KAZN: variants seen among roughly 807,000 people sequenced by gnomAD.
KAZN encodes the protein kazrin.
A neutral mutation model predicts 87.4 loss-of-function variants in KAZN; 40 were observed. The observed-to-expected ratio is 0.46, with a 90% CI of 0.36 to 0.60. The LOEUF (loss-of-function observed/expected upper bound fraction) is 0.60. Ranked by LOEUF, KAZN falls within the 20% of genes least tolerant of loss-of-function variation. The pLI is 0.00. For synonymous variants in KAZN, 466 were observed against 458.3 expected (o/e 1.02, Z -0.22); for missense variants, 898 against 1,073.9 (o/e 0.84, Z 2.29).
At position 14,293,411 on chromosome 1, in the gene KAZN, T is replaced by C. The variant is rs571907967; in HGVS notation, c.249+112819T>C. Among the ~76,000 whole-genome samples the C allele has an allele frequency of 1.4e-3, 218 of 152,316 alleles. 1 individual carries two copies. Among genetic ancestry groups the C allele is most frequent in the African/African-American group, 5.1e-3 (214 of 41,574 alleles). ...TTCCTCTTCTTCTTCCTCTGCCTCTTATTCATCATCTCTCCCTCCTTCTTC... is the reference window on the plus strand; with the variant it reads ...TTCCTCTTCTTCTTCCTCTGCCTCTCATTCATCATCTCTCCCTCCTTCTTC... On this transcript the variant is annotated intron_variant, in intron 2 of 16. Transcript: ENST00000636203.
At chr1:14,663,356 C>T (rs748255304) in intron 1 of KAZN, among the ~76,000 whole-genome samples, 3 of 152,200 alleles carry the variant, frequency 2.0e-5, no homozygotes, top group Non-Finnish European at 2.9e-5. Flanking sequence ...GAACTTGGTT[C>T]GCCGGGGCCA....
chr1:14,975,966 A>G (rs536430736), intron 2 of KAZN, among the ~76,000 whole-genome samples: 1 of 144,598 alleles, frequency 6.9e-6, no homozygotes, highest in Non-Finnish European at 1.5e-5. Flanking sequence ...CGGGAGGCGG[A>G]GCTTGCAGTG....
intron 2 of KAZN, among the ~76,000 whole-genome samples, chr1:14,394,076 A>G (rs1662685398): frequency 6.6e-6 from 1 of 152,194 alleles, no homozygotes; most frequent in Non-Finnish European, 1.5e-5. Flanking sequence ...CTTGTCACCA[A>G]ATGGGCAGGA....
chr1:14,650,720 TAGTC>T (rs1379740926), intron 1 of KAZN, among the ~76,000 whole-genome samples: 5 of 152,256 alleles, frequency 3.3e-5, no homozygotes, highest in African/African-American at 7.2e-5. Flanking sequence ...TGCATTTTAT[TAGTC>T]AGCAGGTTCC....
intron 1 of KAZN, among the ~76,000 whole-genome samples, chr1:14,719,447 A>G (rs1557913798): frequency 6.6e-6 from 1 of 152,236 alleles, no homozygotes; most frequent in Non-Finnish European, 1.5e-5. Flanking sequence ...GAAGGCTACC[A>G]GTGCTATGGA....
intron 1 of KAZN, among the ~76,000 whole-genome samples, chr1:14,108,330 C>T (rs965408757): frequency 3.3e-4 from 50 of 152,128 alleles, no homozygotes; most frequent in Non-Finnish European, 5.9e-5. Flanking sequence ...GAGTATAGCT[C>T]CCTGTTTAGG....
intron 1 of KAZN, among the ~76,000 whole-genome samples, chr1:14,114,387 G>A (rs1314189629): frequency 1.3e-5 from 2 of 151,992 alleles, no homozygotes; most frequent in African/African-American, 4.8e-5. Flanking sequence ...TATGACTCTG[G>A]CGATTTGCAG....
intron 2 of KAZN, among the ~76,000 whole-genome samples, chr1:14,395,902 C>T (rs1261545864): frequency 3.9e-5 from 6 of 152,116 alleles, no homozygotes; most frequent in Admixed American, 3.9e-4. Context: ...GGCTAGGTGG[C>T]TCATGCCTGT....
At chr1:14,637,629 T>C (rs1186405351) in intron 1 of KAZN, among the ~76,000 whole-genome samples, 2 of 151,990 alleles carry the variant, frequency 1.3e-5, no homozygotes, top group Non-Finnish European at 2.9e-5. Context: ...TGGGAGTGTG[T>C]GTGTGGGGGC....
chr1:14,990,968 T>C (rs1362007079), intron 2 of KAZN, among the ~76,000 whole-genome samples: 1 of 150,730 alleles, frequency 6.6e-6, no homozygotes, highest in East Asian at 1.9e-4. Context: ...AAGGCAAAGG[T>C]GGGGGTGATG....
chr1:14,154,337 GT>G (rs1645541863), intron 1 of KAZN, among the ~76,000 whole-genome samples: 1 of 152,102 alleles, frequency 6.6e-6, no homozygotes, highest in South Asian at 2.1e-4. Context: ...GATTTTGTAT[GT>G]TTATTTTGTA....
rs541670644 is a variant in KAZN at position 14,273,953 on chromosome 1, A to C, written c.249+93361A>C. Among the ~76,000 whole-genome samples the C allele has an allele frequency of 2.6e-5, 4 of 152,308 alleles. 1 individual carries two copies. In the East Asian group the frequency reaches 7.7e-4, roughly 29 times the overall value. ...ATTACTGAAAACTCATTCTGTAGTC[A>C]TAGAAGAAGCCAAATTCCTACTGCT... On this transcript the variant is annotated intron_variant, in intron 2 of 16. Transcript: ENST00000636203.
chr1:14,741,570 A>G (rs988308098), intron 1 of KAZN, among the ~76,000 whole-genome samples: 4 of 152,224 alleles, frequency 2.6e-5, no homozygotes, highest in South Asian at 2.1e-4. Flanking sequence ...ATAGCGTGTG[A>G]CAGTTTTACT....
intron 2 of KAZN, among the ~76,000 whole-genome samples, chr1:14,208,860 C>T (rs1646796417): frequency 6.6e-6 from 1 of 152,176 alleles, no homozygotes; most frequent in Non-Finnish European, 1.5e-5. Context: ...GTTGCTTCTT[C>T]AATCATTTGC....
At chr1:14,449,049 G>T (rs1227230616) in intron 2 of KAZN, among the ~76,000 whole-genome samples, 3 of 152,198 alleles carry the variant, frequency 2.0e-5, no homozygotes, top group Non-Finnish European at 4.4e-5. Context: ...CTGACACATG[G>T]TCCACGACAA....
At chr1:14,785,261 A>G (rs1557487411) in intron 1 of KAZN, among the ~76,000 whole-genome samples, 1 of 152,166 alleles carries the variant, frequency 6.6e-6, no homozygotes, top group Non-Finnish European at 1.5e-5. Context: ...GTGGACCCCC[A>G]TGGAAGAACT....
intron 2 of KAZN, among the ~76,000 whole-genome samples, chr1:14,188,063 T>C (rs985077400): frequency 3.9e-5 from 6 of 152,108 alleles, no homozygotes; most frequent in South Asian, 2.1e-4. Context: ...AGTAAACAGA[T>C]AACAGTGAGT....
intron 2 of KAZN, among the ~76,000 whole-genome samples, chr1:14,275,589 G>A (rs2100696166): frequency 6.6e-6 from 1 of 151,924 alleles, no homozygotes; most frequent in African/African-American, 2.4e-5. Flanking sequence ...TCTACATTAT[G>A]TTTGTGCGAT....
At chr1:14,772,212 G>T (rs1051250584) in intron 1 of KAZN, among the ~76,000 whole-genome samples, 8 of 152,144 alleles carry the variant, frequency 5.3e-5, no homozygotes, top group Admixed American at 5.2e-4. Context: ...CCTGGGTGCG[G>T]TGGCTCACGC....
Sources: gnomAD v4.1 joint callset for allele counts (sites outside exome capture counted in the v4.1 genomes callset) on GRCh38, gnomAD v4.1.1 for gene constraint, MANE v1.5 for transcripts, NCBI Gene and HGNC (gene_info 2026-07-23, HGNC 2026-07-21) for gene names.